Variants in PGD observed in about 807,000 individuals in gnomAD.
The protein encoded by PGD is phosphogluconate dehydrogenase.
In PGD, 21 loss-of-function variants were observed where a neutral mutation model predicts 60.4. The ratio of observed to expected loss-of-function variants is 0.35; its 90% CI spans 0.25 to 0.50. The LOEUF (loss-of-function observed/expected upper bound fraction) is 0.50, where lower values mean the gene tolerates loss of function less well. Ranked by LOEUF, PGD falls within the 20% of genes least tolerant of loss-of-function variation. PGD has a pLI of 0.98. For missense variants in PGD, 477 were observed against 613.1 expected (o/e 0.78, Z 2.34); for synonymous variants, 230 against 235.9 (o/e 0.97, Z 0.23).
intron 6 of PGD, 51 bp from the exon 7 acceptor site, chr1:10,411,367 G>A (rs1326656870): frequency 6.2e-7 from 1 of 1,608,546 alleles, no homozygotes; most frequent in South Asian, 1.1e-5. Flanking sequence ...GGACTTCTCT[G>A]ATGTGTCGCC....
chr1:10,416,167 C>T (rs978748432), intron 8 of PGD, among the ~76,000 whole-genome samples: 4 of 152,132 alleles, frequency 2.6e-5, no homozygotes, highest in Middle Eastern at 3.2e-3. Flanking sequence ...GATCATGGCT[C>T]ACTGTAGCCT....
Position 10,400,378 on chromosome 1 carries a change from C to T in PGD, c.85-15C>T. ...TGTGTCCTGGATCTCCTACTCAGGA[C>T]TTTTGTCCTTCTAGGTCTGTGCTTT... On this transcript the variant is annotated splice_polypyrimidine_tract_variant and intron_variant, in intron 2 of 12. Transcript: ENST00000270776. 6.3e-7 allele frequency: 1 copy of T among 1,599,212 alleles called. No homozygotes were observed. The highest frequency in any genetic ancestry group is 8.6e-7 in the Non-Finnish European group (1 of 1,169,380).
At chr1:10,399,234 T>G in intron 1 of PGD, 109 bp downstream of exon 1, 1 of 1,277,764 alleles carries the variant, frequency 7.8e-7, no homozygotes, top group Non-Finnish European at 1.1e-6. Flanking sequence ...GGGGGTCGCC[T>G]GAGCTCACTT....
chr1:10,402,996 T>A, intron 3 of PGD, 75 bp from the exon 4 acceptor site: 1 of 986,198 alleles, frequency 1.0e-6, no homozygotes, highest in South Asian at 1.3e-5. Context: ...TTATTTGGAA[T>A]AAATTCTTGT....
intron 8 of PGD, chr1:10,415,524 C>T (rs1044542092): frequency 6.6e-6 from 1 of 152,202 alleles, no homozygotes; most frequent in African/African-American, 2.4e-5. Context: ...TTCCAGCTGC[C>T]CTCTCCCCCT....
At chr1:10,401,841 C>G (rs1639320329) in intron 3 of PGD, among the ~76,000 whole-genome samples, 1 of 151,986 alleles carries the variant, frequency 6.6e-6, no homozygotes, top group South Asian at 2.1e-4. Flanking sequence ...CGGTGAAACC[C>G]CATCTCTACT....
At position 10,413,172 on chromosome 1, in the gene PGD, G is replaced by T; in HGVS notation, c.765G>T (p.Arg255Ser). The change falls in exon 8 of 13, where the codon AGG becomes AGT. Residue 255 changes from arginine (R) to serine (S), a missense_variant. Transcript: ENST00000270776. ...GCAAACACCTGCTGCCAAAGATCAG[G>T]GACAGCGCGGGGCAGAAGGGCACAG... ...TDGKHLLPKI[R>S]DSAGQKGTGK... 6.2e-7 allele frequency: 1 copy of T among 1,614,170 alleles called. No individual in the cohort carries two copies. Among genetic ancestry groups the T allele is most frequent in the Non-Finnish European group, 8.5e-7 (1 of 1,180,020 alleles).
At chr1:10,414,894 CA>C (rs1639569433) in intron 8 of PGD, among the ~76,000 whole-genome samples, 1 of 151,484 alleles carries the variant, frequency 6.6e-6, no homozygotes, top group Non-Finnish European at 1.5e-5. Context: ...AGTTTGAGTC[CA>C]GCCTGACCAA....
intron 9 of PGD, 52 bp downstream of exon 9, chr1:10,417,169 G>T: frequency 6.2e-7 from 1 of 1,603,518 alleles, no homozygotes. Flanking sequence ...GAAGGCAGTG[G>T]GGGTGGGGGT....
chr1:10,406,159 A>C, intron 5 of PGD, among the ~76,000 whole-genome samples: 1 of 152,078 alleles, frequency 6.6e-6, no homozygotes, highest in East Asian at 1.9e-4. Flanking sequence ...AGCCAAAAAT[A>C]ATTTTTTTAA....
chr1:10,414,121 T>C (rs1472322163), intron 8 of PGD, among the ~76,000 whole-genome samples: 2 of 152,108 alleles, frequency 1.3e-5, no homozygotes, highest in Admixed American at 6.6e-5. Flanking sequence ...TTTACTTTTT[T>C]CCCCTAGATA....
Position 10,399,581 on chromosome 1 carries a change from C to T in PGD, c.9-48C>T, listed in dbSNP as rs1167066619. ...AGGACCGGACCCCTGGGTTGCAGCGCGTCGAGCGGTGCTGACTCTTTCCTT... is the reference window on the plus strand; with the variant it reads ...AGGACCGGACCCCTGGGTTGCAGCGTGTCGAGCGGTGCTGACTCTTTCCTT... On this transcript the variant is annotated intron_variant, in intron 1 of 12. Coordinates refer to ENST00000270776, the MANE Select transcript of PGD (RefSeq NM_002631.4). 3.9e-6 allele frequency: 6 copies of T among 1,523,198 alleles called. No individual in the cohort carries two copies. In the African/African-American group the frequency reaches 5.5e-5, roughly 14 times the overall value. 94.4% of individuals were successfully genotyped at this position (1,523,198 alleles called of 1,614,324 possible).
At chr1:10,418,970 G>T in intron 11 of PGD, 45 bp downstream of exon 11, 1 of 1,074,182 alleles carries the variant, frequency 9.3e-7, no homozygotes. Flanking sequence ...ACCTCCCTGG[G>T]GCCATCAGTT....
Position 10,399,122 on chromosome 1 carries a change from C to A in PGD, c.5C>A (p.Ala2Asp). M[A>D]QADIALIGLA... ...GGTTCTGCTCTGTCCGCCGCCATGG[C>A]CCAGTGAGTGACTCGCCAGGGGCAG... The change falls in exon 1 of 13, where the codon GCC (alanine) becomes GAC (aspartate). Residue 2 changes from alanine (A) to aspartate (D), a missense_variant. By Grantham distance (126) the Ala-to-Asp change is moderately radical. Coordinates refer to ENST00000270776, the MANE Select transcript of PGD (RefSeq NM_002631.4). The A allele has an allele frequency of 6.2e-7, 1 of 1,609,558 alleles. No homozygotes were observed. Among genetic ancestry groups the A allele is most frequent in the African/African-American group, 1.3e-5 (1 of 75,024 alleles).
At chr1:10,416,437 C>T (rs751052889) in intron 8 of PGD, among the ~76,000 whole-genome samples, 2 of 152,200 alleles carry the variant, frequency 1.3e-5, no homozygotes, top group Non-Finnish European at 2.9e-5. Flanking sequence ...ACTTTTGTGG[C>T]CTAAGGTTGA....
rs768182046 is a variant in PGD at position 10,399,737 on chromosome 1, G to C, written c.84+33G>C. 3.8e-5 allele frequency: 60 copies of C among 1,599,058 alleles called. No individual in the cohort carries two copies. The South Asian group carries it at 6.4e-4, about 17-fold the overall frequency. On this transcript the variant is annotated intron_variant, in intron 2 of 12. Coordinates refer to ENST00000270776, the MANE Select transcript of PGD (RefSeq NM_002631.4). ...GCGTGGGCGCGTTGTCTTCTCTCTG[G>C]TTCCCGGGCGCTTTAGCCGAGGCCG...
At chr1:10,399,739 TC>T in intron 2 of PGD, 35 bp downstream of exon 2, 1 of 1,597,098 alleles carries the variant, frequency 6.3e-7, no homozygotes. Flanking sequence ...TCTCTCTGGT[TC>T]CCGGGCGCTT....
At chr1:10,419,572 GC>G (rs759049779) in intron 12 of PGD, 33 bp downstream of exon 12, 8 of 1,614,014 alleles carry the variant, frequency 5.0e-6, no homozygotes, top group Non-Finnish European at 6.8e-6. Flanking sequence ...AACCTGGCTG[GC>G]CCCTCGGGGG....
At chr1:10,418,062 C>T (rs1460282561) in intron 10 of PGD, among the ~76,000 whole-genome samples, 2 of 146,476 alleles carry the variant, frequency 1.4e-5, no homozygotes, top group African/African-American at 5.0e-5. Context: ...TGTGAACTAT[C>T]GTGCCCTCTG....
Sources: gnomAD v4.1 joint callset for allele counts (sites outside exome capture counted in the v4.1 genomes callset) on GRCh38, gnomAD v4.1.1 for gene constraint, MANE v1.5 for transcripts, NCBI Gene and HGNC (gene_info 2026-07-23, HGNC 2026-07-21) for gene names.